Variants in MAP3K13 observed in about 807,000 individuals in gnomAD.
MAP3K13 encodes the protein leucine zipper-bearing kinase.
In MAP3K13, 52 loss-of-function variants were observed where a neutral mutation model predicts 104.0. The ratio of observed to expected loss-of-function variants is 0.50; its 90% confidence interval spans 0.40 to 0.63. The LOEUF is 0.63. Among genes scored for constraint, MAP3K13 ranks in the 20% least tolerant of loss-of-function variants. The pLI is 0.00. For missense variants in MAP3K13, 914 were observed against 1,218.5 expected (o/e 0.75, Z 3.72); for synonymous variants, 394 against 442.2 (o/e 0.89, Z 1.37).
In MAP3K13 at chr3:185,466,708, C is replaced by T. The variant is rs73054855; in HGVS notation, c.1506-118C>T. On this transcript the variant is annotated intron_variant, in intron 9 of 13. Transcript: ENST00000265026. ...TTGTTTTTTAAACCTGAATAGCAGT[C>T]TTGTTATTCAAATAGCTAAATGTGG... 8.2e-4 allele frequency: 990 copies of T among 1,212,972 alleles called. 5 individuals are homozygous for T. In the African/African-American group the frequency reaches 0.011, roughly 14 times the overall value. 75.1% of individuals were successfully genotyped at this position (1,212,972 alleles called of 1,614,324 possible).
chr3:185,362,930 AACACACAC>A (rs772942357), upstream of MAP3K13: 2 of 132,416 alleles, frequency 1.5e-5, no homozygotes, highest in African/African-American at 5.6e-5. Flanking sequence ...CACAGCTTGA[AACACACAC>A]ACACACACAC....
intron 8 of MAP3K13, 102 bp from the exon 9 acceptor site, chr3:185,465,645 G>T (rs1302537892): frequency 5.1e-6 from 4 of 791,866 alleles, no homozygotes; most frequent in African/African-American, 3.4e-5. Context: ...AGGGCCTTGG[G>T]CAAATGCTTT....
At chr3:185,432,008 A>C (rs1714767131) in intron 2 of MAP3K13, among the ~76,000 whole-genome samples, 1 of 151,754 alleles carries the variant, frequency 6.6e-6, no homozygotes, top group African/African-American at 2.4e-5. Context: ...TTCTGCTTTC[A>C]TTTTCCCTCC....
chr3:185,447,494 C>CAAAA (rs1178155454), intron 4 of MAP3K13, among the ~76,000 whole-genome samples: 43 of 28,422 alleles, frequency 1.5e-3, no homozygotes, highest in East Asian at 2.6e-3. Flanking sequence ...AACTCTGTCT[C>CAAAA]AAAAAAAAAA....
At chr3:185,436,004 C>T (rs1715009077) in intron 2 of MAP3K13, among the ~76,000 whole-genome samples, 1 of 152,148 alleles carries the variant, frequency 6.6e-6, no homozygotes, top group Non-Finnish European at 1.5e-5. Flanking sequence ...CATCATTTTT[C>T]TCACTCCGTG....
intron 2 of MAP3K13, among the ~76,000 whole-genome samples, chr3:185,289,190 A>G (rs1407111524): frequency 1.3e-5 from 2 of 152,186 alleles, no homozygotes; most frequent in East Asian, 3.8e-4. Context: ...AATAGTTAGC[A>G]GTGAAGCAGA....
chr3:185,380,004 G>C (rs1227342107), intron 1 of MAP3K13, among the ~76,000 whole-genome samples: 1 of 152,082 alleles, frequency 6.6e-6, no homozygotes, highest in African/African-American at 2.4e-5. Flanking sequence ...TGGCCAACAT[G>C]GTGAAACCCC....
intron 2 of MAP3K13, chr3:185,291,648 C>G: frequency 6.5e-7 from 1 of 1,532,120 alleles, no homozygotes; most frequent in Non-Finnish European, 8.7e-7. Flanking sequence ...CATGGCCTAT[C>G]ATCATTATGC....
chr3:185,428,167 A>C (rs1397189607), intron 1 of MAP3K13, among the ~76,000 whole-genome samples: 1 of 151,880 alleles, frequency 6.6e-6, no homozygotes, highest in Non-Finnish European at 1.5e-5. Context: ...CCCAAATCTA[A>C]CCACCTAAAA....
chr3:185,455,670 T>TATATCTC (rs1716608191), intron 7 of MAP3K13, among the ~76,000 whole-genome samples: 1 of 23,236 alleles, frequency 4.3e-5, no homozygotes, highest in African/African-American at 9.6e-5. Flanking sequence ...ATATATATGA[T>TATATCTC]ATATATATGA....
At chr3:185,301,312 T>G (rs992915608) in intron 2 of MAP3K13, among the ~76,000 whole-genome samples, 8 of 115,236 alleles carry the variant, frequency 6.9e-5, no homozygotes, top group African/African-American at 1.8e-4. Flanking sequence ...ATTTTTAAAT[T>G]GGATTTTTTT....
At chr3:185,361,000 T>C (rs549580475), upstream of MAP3K13, among the ~76,000 whole-genome samples, 1 of 151,910 alleles carries the variant, frequency 6.6e-6, no homozygotes, top group South Asian at 2.1e-4. Flanking sequence ...CTAATTTTTG[T>C]ATTTTTAGTA....
chr3:185,455,391 T>TGAGATATATATGATATATATGAGATTA (rs1409287464), intron 7 of MAP3K13, among the ~76,000 whole-genome samples: 5 of 27,890 alleles, frequency 1.8e-4, no homozygotes, highest in African/African-American at 5.3e-4. Flanking sequence ...GATATATATA[T>TGAGATATATATGATATATATGAGATTA]CATATATGAG....
chr3:185,444,269 G>T (rs922055754), intron 4 of MAP3K13, among the ~76,000 whole-genome samples: 7 of 152,118 alleles, frequency 4.6e-5, no homozygotes, highest in African/African-American at 1.7e-4. Flanking sequence ...CTAGGAGGAG[G>T]AGGTTGCAGT....
intron 10 of MAP3K13, among the ~76,000 whole-genome samples, chr3:185,470,556 C>T (rs1430020284): frequency 6.6e-6 from 1 of 152,164 alleles, no homozygotes; most frequent in African/African-American, 2.4e-5. Flanking sequence ...GTCTTTCCTC[C>T]TTCTCTGACC....
chr3:185,402,450 G>A (rs1712869056), intron 1 of MAP3K13, among the ~76,000 whole-genome samples: 1 of 152,020 alleles, frequency 6.6e-6, no homozygotes. Flanking sequence ...TCTGGAGTCT[G>A]TGTCCTTTCT....
chr3:185,344,856 C>T (rs537851117), intron 2 of MAP3K13, among the ~76,000 whole-genome samples: 6 of 151,728 alleles, frequency 4.0e-5, no homozygotes, highest in Admixed American at 6.6e-5. Flanking sequence ...AATGGGATCT[C>T]GCAACTTCAT....
At chr3:185,357,447 T>TAAAAAAAAAAAAAA (rs71162295) in intron 2 of MAP3K13, among the ~76,000 whole-genome samples, 39 of 91,308 alleles carry the variant, frequency 4.3e-4, no homozygotes, top group African/African-American at 8.1e-4. Context: ...AAACTCCATC[T>TAAAAAAAAAAAAAA]AAAAAAAAAA....
At chr3:185,323,324 T>A (rs1272313047) in intron 2 of MAP3K13, among the ~76,000 whole-genome samples, 3 of 151,878 alleles carry the variant, frequency 2.0e-5, no homozygotes, top group African/African-American at 7.3e-5. Context: ...CACATTACAT[T>A]TGGCATACCT....
Sources: allele counts gnomAD v4.1 joint callset (sites outside exome capture counted in the v4.1 genomes callset), GRCh38; gene constraint gnomAD v4.1.1; transcripts MANE v1.5; gene names NCBI Gene and HGNC (gene_info 2026-07-23, HGNC 2026-07-21).